Variants in POP1 observed in about 807,000 individuals in gnomAD.
The protein encoded by POP1 is ribonucleases P/MRP protein subunit POP1.
Under a neutral mutation model 102.2 loss-of-function variants are expected in POP1, and 75 were observed. That is an observed-to-expected ratio of 0.73 (90% CI 0.61 to 0.89). The LOEUF is 0.89. Ranked by LOEUF, POP1 falls within the 40% of genes least tolerant of loss-of-function variation. POP1 has a pLI of 0.00. For missense variants in POP1, 1,116 were observed against 1,267.4 expected, an observed-to-expected ratio of 0.88 and a Z score of 1.81; for synonymous variants, 436 against 464.1, an observed-to-expected ratio of 0.94 and a Z score of 0.78.
At chr8:98,145,862 C>T (rs573024195) in intron 11 of POP1, among the ~76,000 whole-genome samples, 3 of 151,824 alleles carry the variant, frequency 2.0e-5, no homozygotes, top group East Asian at 3.9e-4. Context: ...ACCAAGATTG[C>T]GCCACTGCAC....
intron 14 of POP1, 93 bp from the exon 15 acceptor site, chr8:98,155,957 T>TG: frequency 1.2e-6 from 1 of 825,760 alleles, no homozygotes. Flanking sequence ...GTGTGTGTGT[T>TG]TTAAAATAGA....
Position 98,147,792 on chromosome 8 carries a change from T to A in POP1, c.1711-1023T>A, listed in dbSNP as rs546936876. ...AGATAGGAGGTAAGAAAGGAGGAGG[T>A]GTGTCGATTAGGTCCTGATATTCTA... is the stretch of plus-strand genomic sequence containing the variant. On this transcript the variant is annotated intron_variant, in intron 12 of 15. Transcript: ENST00000401707. 2.0e-5 allele frequency among the ~76,000 whole-genome samples: 3 copies of A among 152,006 alleles called. 1 individual carries two copies. The highest frequency in any genetic ancestry group is 7.2e-5 in the African/African-American group (3 of 41,428).
At chr8:98,137,185 C>G (rs1363795592) in intron 9 of POP1, among the ~76,000 whole-genome samples, 1 of 152,174 alleles carries the variant, frequency 6.6e-6, no homozygotes, top group African/African-American at 2.4e-5. Flanking sequence ...ACAGACTGCT[C>G]TTGCATCTGT....
chr8:98,155,234 A>T (rs541238627), intron 14 of POP1, among the ~76,000 whole-genome samples: 1 of 152,274 alleles, frequency 6.6e-6, no homozygotes, highest in Admixed American at 6.5e-5. Context: ...TTTATTGAAG[A>T]CCAAAGAAAA....
rs1274675081 is a variant in POP1 at position 98,123,775 on chromosome 8, C to CA, written c.142+311dup. On this transcript the variant is annotated intron_variant, in intron 2 of 15. Transcript: ENST00000401707. ...CTGAAGACAGAGTGAGACTGTGTCT[C>CA]AAAAAAAAAAAAAAAGATACACATG... Among the ~76,000 whole-genome samples, 33,428 of 123,536 alleles carry CA rather than the reference C, an allele frequency of 0.27. 3,946 individuals are homozygous for CA. Among genetic ancestry groups the CA allele is most frequent in the African/African-American group, 0.29 (9,611 of 33,250 alleles). The allele number at this position is 123,536 out of a possible 152,430, so 81.0% of individuals were successfully genotyped here. A position where few individuals can be genotyped will look rare whatever the true frequency, so the allele number is the denominator to read the frequency against.
intron 9 of POP1, 24 bp downstream of exon 9, chr8:98,136,978 G>A (rs1360457909): frequency 1.3e-6 from 2 of 1,550,734 alleles, no homozygotes; most frequent in South Asian, 1.1e-5. Context: ...TGACTGTAGT[G>A]TTTTATTCTA....
rs765141706 is a variant in POP1 at position 98,156,381 on chromosome 8, G to A, written c.2389G>A (p.Ala797Thr). 1.2e-6 allele frequency: 2 copies of A among 1,613,898 alleles called. No individual in the cohort carries two copies. The highest frequency in any genetic ancestry group is 1.7e-5 in the Admixed American group (1 of 60,022). Residue 797 changes from alanine to threonine, a missense_variant, in exon 15 of 16, where the codon GCT becomes ACT. Transcript: ENST00000401707. ...CCAGGAGGCCAGTGAAAACCATGTT[G>A]CTGCCACAGGGAGTCACCTCTGCGT... is the stretch of plus-strand genomic sequence containing the variant. The part of the protein sequence containing the change: ...TDQEASENHV[A>T]ATGSHLCVLR...
At chr8:98,125,679 T>G (rs971395666) in intron 2 of POP1, among the ~76,000 whole-genome samples, 4 of 152,152 alleles carry the variant, frequency 2.6e-5, no homozygotes, top group African/African-American at 9.7e-5. Context: ...TAGCTGGGAC[T>G]ACAGTCACAT....
At chr8:98,128,331 T>G (rs1212090421) in intron 3 of POP1, 34 bp from the exon 4 acceptor site, 12 of 1,604,258 alleles carry the variant, frequency 7.5e-6, no homozygotes, top group Non-Finnish European at 1.0e-5. Flanking sequence ...AATTCAAGAT[T>G]GGTGTTTAAT....
Position 98,156,340 on chromosome 8 carries a change from C to T in POP1, c.2348C>T (p.Pro783Leu), listed in dbSNP as rs1254292970. Reference protein sequence around the residue: ...MDAGCQESAGPERITDQEASE... With the variant: ...MDAGCQESAGLERITDQEASE... Reference sequence around the variant, plus strand: ...GCAGGGTGTCAAGAATCGGCAGGGCCTGAGAGGATCACAGACCAGGAGGCC... The same window carrying T: ...GCAGGGTGTCAAGAATCGGCAGGGCTTGAGAGGATCACAGACCAGGAGGCC... The change falls in exon 15 of 16, where the codon CCT (proline) becomes CTT (leucine). Residue 783 changes from proline to leucine, a missense_variant. Pro to Leu is a moderately conservative substitution (Grantham distance 98, BLOSUM62 -3). Coordinates refer to ENST00000401707, the MANE Select transcript of POP1 (RefSeq NM_001145860.2). 3 of 1,614,062 alleles carry T rather than the reference C, an allele frequency of 1.9e-6. No homozygotes were observed. The highest frequency in any genetic ancestry group is 2.5e-6 in the Non-Finnish European group (3 of 1,180,030).
In POP1 at chr8:98,158,597, G is replaced by A. The variant is rs1809720921; in HGVS notation, c.*326G>A. Reference sequence around the variant, plus strand: ...CCCCTTTTTTTGTTAGAAACAAAGGGCTTGTCAGGTCTATTTGAAAAACCT... The same window carrying A: ...CCCCTTTTTTTGTTAGAAACAAAGGACTTGTCAGGTCTATTTGAAAAACCT... On this transcript the variant is annotated 3_prime_UTR_variant, in exon 16 of 16. Coordinates refer to ENST00000401707, the MANE Select transcript of POP1 (RefSeq NM_001145860.2). 1 of 287,050 alleles carries A rather than the reference G, an allele frequency of 3.5e-6. No homozygotes were observed. Among genetic ancestry groups the A allele is most frequent in the South Asian group, 3.9e-5 (1 of 25,830 alleles). 17.8% of individuals were successfully genotyped at this position (287,050 alleles called of 1,614,324 possible). A position where few individuals can be genotyped will look rare whatever the true frequency, so the allele number is the denominator to read the frequency against.
intron 7 of POP1, among the ~76,000 whole-genome samples, chr8:98,135,565 G>A (rs1816510420): frequency 1.3e-5 from 2 of 151,798 alleles, no homozygotes. Context: ...CATAATATTT[G>A]ACTAACCCTA....
intron 11 of POP1, among the ~76,000 whole-genome samples, chr8:98,143,329 C>T (rs552291471): frequency 2.6e-5 from 4 of 152,286 alleles, no homozygotes; most frequent in South Asian, 2.1e-4. Context: ...AGCCTTCAGA[C>T]GTACTCCACT....
At chr8:98,148,108 C>T (rs1007851371) in intron 12 of POP1, among the ~76,000 whole-genome samples, 4 of 152,016 alleles carry the variant, frequency 2.6e-5, no homozygotes, top group African/African-American at 4.8e-5. Flanking sequence ...GAGGAAAAGT[C>T]GGGGCTAAAG....
In POP1 at chr8:98,127,752, G is replaced by A; in HGVS notation, c.300G>A (p.Lys100=). Residue 100 remains lysine, a synonymous_variant, in exon 3 of 16, where the codon AAG becomes AAA. Coordinates refer to ENST00000401707, the MANE Select transcript of POP1 (RefSeq NM_001145860.2). ...GPEGTSQEIP[K]YITASTFAQA... is the part of the protein sequence containing the mutation. The stretch of plus-strand genomic sequence containing the variant: ...AGGGCACGTCTCAGGAGATCCCCAA[G>A]TATATAACTGGTGGGTACTCATAAA... 2.5e-6 allele frequency: 4 copies of A among 1,613,908 alleles called. No individual in the cohort carries two copies. The highest frequency in any genetic ancestry group is 2.5e-6 in the Non-Finnish European group (3 of 1,179,836).
chr8:98,152,604 G>A (rs1809544694), intron 14 of POP1, among the ~76,000 whole-genome samples: 1 of 152,118 alleles, frequency 6.6e-6, no homozygotes, highest in Non-Finnish European at 1.5e-5. Context: ...TTATTCTTTT[G>A]CTTTTTCAAC....
chr8:98,150,596 T>C lies in POP1; in HGVS notation c.2014T>C (p.Phe672Leu). The C allele has an allele frequency of 6.2e-7, 1 of 1,614,212 alleles. No homozygotes were observed. The highest frequency in any genetic ancestry group is 8.5e-7 in the Non-Finnish European group (1 of 1,180,028). ...TCCAGACTGCCCTGCCGGGATGCTG[T>C]TTGCGGAAGAGCAAGCTAAGAATCT... ...DFPDCPAGMLFAEEQAKNLLE... is the reference protein window; with the variant it reads ...DFPDCPAGMLLAEEQAKNLLE... Residue 672 changes from phenylalanine to leucine, a missense_variant, in exon 14 of 16, where the codon TTT (phenylalanine) becomes CTT (leucine). Coordinates refer to ENST00000401707, the MANE Select transcript of POP1 (RefSeq NM_001145860.2).
chr8:98,133,942 T>TTA lies in POP1; in HGVS notation c.736-7_736-6insTA. On this transcript the variant is annotated splice_polypyrimidine_tract_variant and splice_region_variant and intron_variant, in intron 5 of 15. Coordinates refer to ENST00000401707, the MANE Select transcript of POP1 (RefSeq NM_001145860.2). The stretch of plus-strand genomic sequence containing the variant: ...AAGTACTTAATTGTGTCTCCCGCTT[T>TTA]GTGCAGGATTTATCCTATTACTGTT... 6.2e-7 allele frequency: 1 copy of TTA among 1,608,064 alleles called. No individual in the cohort carries two copies. The highest frequency in any genetic ancestry group is 8.5e-7 in the Non-Finnish European group (1 of 1,174,550).
intron 13 of POP1, among the ~76,000 whole-genome samples, chr8:98,149,813 C>T (rs1267627560): frequency 2.0e-5 from 3 of 151,708 alleles, no homozygotes; most frequent in South Asian, 2.1e-4. Flanking sequence ...AATATTACTT[C>T]GATTCTAGAG....
Sources: gnomAD v4.1 joint callset for allele counts (sites outside exome capture counted in the v4.1 genomes callset) on GRCh38, gnomAD v4.1.1 for gene constraint, MANE v1.5 for transcripts, NCBI Gene and HGNC (gene_info 2026-07-23, HGNC 2026-07-21) for gene names.